ANK3: variants seen among roughly 807,000 people sequenced by gnomAD.
ANK3 encodes ankyrin 3.
A neutral mutation model predicts 370.9 loss-of-function variants in ANK3; 57 were observed. That is an observed-to-expected ratio of 0.15 (90% CI 0.12 to 0.19). The LOEUF is 0.19. ANK3 is among the 10% of genes least tolerant of loss of function. The pLI, the probability that ANK3 is intolerant of heterozygous loss-of-function variation, is 1.00. For synonymous variants in ANK3, 1,929 were observed against 1,946.3 expected, an observed-to-expected ratio of 0.99 and a Z score of 0.23; for missense variants, 4,439 against 5,302.1, an observed-to-expected ratio of 0.84 and a Z score of 5.06.
intron 43 of ANK3, among the ~76,000 whole-genome samples, chr10:60,042,397 A>T (rs1316273866): frequency 6.6e-6 from 1 of 152,238 alleles, no homozygotes; most frequent in Non-Finnish European, 1.5e-5. Flanking sequence ...CTTTACTCTT[A>T]TCACTATTTA....
chr10:60,418,898 C>G (rs1443678364), intron 2 of ANK3, among the ~76,000 whole-genome samples: 1 of 152,046 alleles, frequency 6.6e-6, no homozygotes, highest in Admixed American at 6.6e-5. Flanking sequence ...TTTTCTTAAA[C>G]TGATCAAAAC....
intron 26 of ANK3, among the ~76,000 whole-genome samples, chr10:60,112,279 C>A (rs532173371): frequency 6.6e-6 from 1 of 151,226 alleles, no homozygotes; most frequent in Non-Finnish European, 1.5e-5. Flanking sequence ...ATTCATCAAG[C>A]GTGATTCAAA....
intron 1 of ANK3, among the ~76,000 whole-genome samples, chr10:60,364,972 C>T (rs2059192958): frequency 6.6e-6 from 1 of 151,106 alleles, no homozygotes; most frequent in Non-Finnish European, 1.5e-5. Context: ...TTACCACACA[C>T]TTAAATGTGA....
At chr10:60,472,582 A>G (rs1170391198) in intron 2 of ANK3, among the ~76,000 whole-genome samples, 1 of 152,150 alleles carries the variant, frequency 6.6e-6, no homozygotes, top group African/African-American at 2.4e-5. Context: ...TATTTCAGAG[A>G]GTGAGATATA....
chr10:60,509,155 C>T (rs1283690466), intron 2 of ANK3, among the ~76,000 whole-genome samples: 1 of 152,060 alleles, frequency 6.6e-6, no homozygotes, highest in Admixed American at 6.6e-5. Flanking sequence ...CTTTGGTGTG[C>T]ACATCCTCAA....
At chr10:60,256,684 C>T (rs528398972) in intron 7 of ANK3, among the ~76,000 whole-genome samples, 1 of 152,066 alleles carries the variant, frequency 6.6e-6, no homozygotes, top group African/African-American at 2.4e-5. Context: ...CATGAGTACC[C>T]CACATTTAGC....
At chr10:60,547,451 A>T (rs1258972215) in intron 2 of ANK3, among the ~76,000 whole-genome samples, 2 of 151,182 alleles carry the variant, frequency 1.3e-5, no homozygotes, top group African/African-American at 4.9e-5. Flanking sequence ...GCCCGGCTGG[A>T]GTGGCGCGAT....
At chr10:60,619,197 C>G (rs377575237) in intron 1 of ANK3, among the ~76,000 whole-genome samples, 1 of 152,008 alleles carries the variant, frequency 6.6e-6, no homozygotes, top group African/African-American at 2.4e-5. Context: ...TGCCCAGGCC[C>G]ACTCCCAAAG....
At position 60,377,648 on chromosome 10, in the gene ANK3, A is replaced by G. The variant is rs906007313; in HGVS notation, c.114+11777T>C. Among the ~76,000 whole-genome samples the G allele has an allele frequency of 3.9e-5, 6 of 152,346 alleles. No individual in the cohort carries two copies. In the South Asian group the frequency reaches 1.2e-3, roughly 32 times the overall value. ...ATTTATATATAGAAAATAAAGTAAT[A>G]AAAATGAAAGTAAAAGCCTTCTCCA... is the stretch of plus-strand genomic sequence containing the variant. On this transcript the variant is annotated intron_variant, in intron 1 of 43. Transcript: ENST00000280772.
At chr10:60,473,516 C>G (rs906638528) in intron 2 of ANK3, among the ~76,000 whole-genome samples, 2 of 152,052 alleles carry the variant, frequency 1.3e-5, no homozygotes, top group Non-Finnish European at 2.9e-5. Context: ...GGCAATAATG[C>G]GCATCTCAAA....
At chr10:60,665,514 G>C (rs1426496415) in intron 1 of ANK3, among the ~76,000 whole-genome samples, 3 of 152,046 alleles carry the variant, frequency 2.0e-5, no homozygotes, top group Non-Finnish European at 4.4e-5. Context: ...CTGCTCTTGA[G>C]GCTACTACAT....
At chr10:60,291,944 G>C (rs1038312617) in intron 1 of ANK3, among the ~76,000 whole-genome samples, 7 of 152,110 alleles carry the variant, frequency 4.6e-5, no homozygotes, top group Non-Finnish European at 7.4e-5. Context: ...GACTTTTTGT[G>C]ATCAAGTAAT....
At chr10:60,113,866 T>C (rs958218476) in intron 26 of ANK3, among the ~76,000 whole-genome samples, 7 of 152,162 alleles carry the variant, frequency 4.6e-5, no homozygotes, top group Non-Finnish European at 8.8e-5. Context: ...TTCATTTGAA[T>C]AGAAAAGTAA....
At chr10:60,293,796 C>T (rs1474667968) in intron 1 of ANK3, among the ~76,000 whole-genome samples, 1 of 152,166 alleles carries the variant, frequency 6.6e-6, no homozygotes, top group Non-Finnish European at 1.5e-5. Context: ...ACACAACAAC[C>T]ACCACAACAC....
intron 23 of ANK3, among the ~76,000 whole-genome samples, chr10:60,164,239 C>A (rs568693496): frequency 1.3e-5 from 2 of 152,038 alleles, no homozygotes; most frequent in Admixed American, 6.6e-5. Flanking sequence ...AATTTAGGGA[C>A]CTTAGCAGAC....
intron 4 of ANK3, among the ~76,000 whole-genome samples, chr10:60,276,026 T>A (rs1056019608): frequency 6.6e-6 from 1 of 152,190 alleles, no homozygotes; most frequent in Non-Finnish European, 1.5e-5. Flanking sequence ...TAGGACTAAA[T>A]GATTACTGGA....
At chr10:60,258,768 T>G (rs544113300) in intron 7 of ANK3, among the ~76,000 whole-genome samples, 1 of 152,196 alleles carries the variant, frequency 6.6e-6, no homozygotes, top group Admixed American at 6.5e-5. Context: ...CAAGACTTTA[T>G]CTGTCATACT....
chr10:60,043,899 A>C, intron 42 of ANK3: 1 of 985,796 alleles, frequency 1.0e-6, no homozygotes, highest in Non-Finnish European at 1.2e-6. Flanking sequence ...GTATGTAACA[A>C]AGAATGTTAG....
At chr10:60,602,936 C>A (rs1471297891) in intron 2 of ANK3, among the ~76,000 whole-genome samples, 2 of 151,948 alleles carry the variant, frequency 1.3e-5, no homozygotes, top group African/African-American at 4.8e-5. Flanking sequence ...TCATTTCACA[C>A]ATTTAAATTT....
Sources: allele counts gnomAD v4.1 joint callset (sites outside exome capture counted in the v4.1 genomes callset), GRCh38; gene constraint gnomAD v4.1.1; transcripts MANE v1.5; gene names NCBI Gene and HGNC (gene_info 2026-07-23, HGNC 2026-07-21).